The following TGFBR1 variants were observed in gnomAD, a reference collection of about 807,000 sequenced individuals.
The protein encoded by TGFBR1 is TGF-beta receptor type-1.
In TGFBR1, 20 loss-of-function variants were observed where a neutral mutation model predicts 55.1. The ratio of observed to expected loss-of-function variants is 0.36; its 90% CI spans 0.26 to 0.53. TGFBR1 has a LOEUF of 0.53. TGFBR1 is among the 20% of genes least tolerant of loss of function. The pLI, the probability that TGFBR1 is intolerant of heterozygous loss-of-function variation, is 0.91. For synonymous variants in TGFBR1, 220 were observed against 214.8 expected (o/e 1.02, Z -0.21); for missense variants, 385 against 617.6 (o/e 0.62, Z 3.99).
rs1420577666 is a variant in TGFBR1 at position 99,152,882 on chromosome 9, G to A, written c.*3577G>A. On this transcript the variant is annotated 3_prime_UTR_variant, in exon 9 of 9. Transcript: ENST00000374994. ...CCTCTCAAGAGTGCTGGACTTCTAGGACATTAAGATGATTGTCAGTACATT... is the reference window on the plus strand; with the variant it reads ...CCTCTCAAGAGTGCTGGACTTCTAGAACATTAAGATGATTGTCAGTACATT... 4.3e-6 allele frequency: 1 copy of A among 231,282 alleles called. No homozygotes were observed. Among genetic ancestry groups the A allele is most frequent in the African/African-American group, 2.2e-5 (1 of 45,230 alleles). The allele number at this position is 231,282 out of a possible 1,614,324, so 14.3% of individuals were successfully genotyped here.
chr9:99,132,516 A>G lies in TGFBR1; in HGVS notation c.351A>G (p.Ser117=), dbSNP rs949763129. The change falls in exon 3 of 9, where the codon TCA becomes TCG. Residue 117 remains serine, a synonymous_variant. Coordinates refer to ENST00000374994, the MANE Select transcript of TGFBR1 (RefSeq NM_004612.4). ...NKIELPTTVK[S]SPGLGPVELA... ...CTCGAGGCCCTTTTTCAGTAAAGTC[A>G]TCACCTGGCCTTGGTCCTGTGGAAC... 5 of 1,614,116 alleles carry G rather than the reference A, an allele frequency of 3.1e-6. No homozygotes were observed. In the South Asian group the frequency reaches 3.3e-5, roughly 11 times the overall value.
At chr9:99,141,643 A>G (rs1827619093) in intron 4 of TGFBR1, among the ~76,000 whole-genome samples, 1 of 152,192 alleles carries the variant, frequency 6.6e-6, no homozygotes, top group Non-Finnish European at 1.5e-5. Context: ...CTAAGCGTCC[A>G]TCTTTTACTG....
At position 99,153,703 on chromosome 9, in the gene TGFBR1, T is replaced by C. The variant is rs937281483; in HGVS notation, c.*4398T>C. ...GTATACGTTGGAATGAGTCATGCCA[T>C]ATGTAGTTGCTGTAGATGGCAACTA... On this transcript the variant is annotated 3_prime_UTR_variant, in exon 9 of 9. Coordinates refer to ENST00000374994, the MANE Select transcript of TGFBR1 (RefSeq NM_004612.4). The C allele has an allele frequency of 5.0e-5, 10 of 199,960 alleles. No individual in the cohort carries two copies. Among genetic ancestry groups the C allele is most frequent in the African/African-American group, 2.3e-4 (10 of 43,500 alleles). The allele number at this position is 199,960 out of a possible 1,614,324, so 12.4% of individuals were successfully genotyped here.
At chr9:99,106,998 T>A (rs946081238) in intron 1 of TGFBR1, among the ~76,000 whole-genome samples, 1 of 152,238 alleles carries the variant, frequency 6.6e-6, no homozygotes, top group Non-Finnish European at 1.5e-5. Flanking sequence ...TCCACACCGC[T>A]ATTAACTTGA....
At position 99,149,761 on chromosome 9, in the gene TGFBR1, G is replaced by T. The variant is rs200245567; in HGVS notation, c.*456G>T. Reference sequence around the variant, plus strand: ...CTAGAGTTTCCTTGATTCAGACTTTGAATGTACTGTTCTATAGTTTTTCAG... The same window carrying T: ...CTAGAGTTTCCTTGATTCAGACTTTTAATGTACTGTTCTATAGTTTTTCAG... On this transcript the variant is annotated 3_prime_UTR_variant, in exon 9 of 9. Transcript: ENST00000374994. 2 of 249,064 alleles carry T rather than the reference G, an allele frequency of 8.0e-6. No individual in the cohort carries two copies. Among genetic ancestry groups the T allele is most frequent in the Non-Finnish European group, 1.6e-5 (2 of 126,358 alleles). 15.4% of individuals were successfully genotyped at this position (249,064 alleles called of 1,614,324 possible).
intron 1 of TGFBR1, among the ~76,000 whole-genome samples, chr9:99,110,253 T>C (rs1023869003): frequency 6.6e-6 from 1 of 152,210 alleles, no homozygotes; most frequent in South Asian, 2.1e-4. Flanking sequence ...AAAATTGACT[T>C]GCAAAGTATA....
Position 99,144,840 on chromosome 9 carries a change from C to T in TGFBR1, c.1082C>T (p.Ala361Val), listed in dbSNP as rs2118806182. Reference sequence around the variant, plus strand: ...GGACTGGCAGTAAGACATGATTCAGCCACAGATACCATTGATATTGCTCCA... The same window carrying T: ...GGACTGGCAGTAAGACATGATTCAGTCACAGATACCATTGATATTGCTCCA... ...DLGLAVRHDS[A>V]TDTIDIAPNH... Residue 361 changes from alanine (A) to valine (V), a missense_variant, in exon 6 of 9, where the codon GCC (alanine) becomes GTC (valine). By Grantham distance (64) the Ala-to-Val change is moderately conservative. Around this residue, in one of 5 missense-constraint regions of TGFBR1, gnomAD observed 85 missense variants for 228.4 expected, o/e 0.37. Coordinates refer to ENST00000374994, the MANE Select transcript of TGFBR1 (RefSeq NM_004612.4). 1 of 1,613,954 alleles carries T rather than the reference C, an allele frequency of 6.2e-7. No homozygotes were observed. Among genetic ancestry groups the T allele is most frequent in the Non-Finnish European group, 8.5e-7 (1 of 1,179,922 alleles).
At chr9:99,106,583 G>A (rs527783520) in intron 1 of TGFBR1, among the ~76,000 whole-genome samples, 14 of 152,160 alleles carry the variant, frequency 9.2e-5, no homozygotes, top group African/African-American at 3.1e-4. Context: ...AGGAGTAGTG[G>A]CATTTGCCCC....
At chr9:99,111,159 A>G (rs1320107822) in intron 1 of TGFBR1, among the ~76,000 whole-genome samples, 3 of 152,112 alleles carry the variant, frequency 2.0e-5, no homozygotes, top group Non-Finnish European at 2.9e-5. Context: ...TACTATTTGT[A>G]TTGATTTATA....
Position 99,149,437 on chromosome 9 carries a change from G to C in TGFBR1, c.*132G>C. On this transcript the variant is annotated 3_prime_UTR_variant, in exon 9 of 9. Transcript: ENST00000374994. ...CTTCCTTTTGCAGCAGTGTAATAAAGTCAATTAAAAACTTCCCAGGATTTC... is the reference window on the plus strand; with the variant it reads ...CTTCCTTTTGCAGCAGTGTAATAAACTCAATTAAAAACTTCCCAGGATTTC... 1 of 1,373,484 alleles carries C rather than the reference G, an allele frequency of 7.3e-7. No individual in the cohort carries two copies. Among genetic ancestry groups the C allele is most frequent in the South Asian group, 1.2e-5 (1 of 82,410 alleles). 85.1% of individuals were successfully genotyped at this position (1,373,484 alleles called of 1,614,324 possible).
chr9:99,125,895 G>C (rs1315274179), intron 1 of TGFBR1, among the ~76,000 whole-genome samples: 5 of 152,130 alleles, frequency 3.3e-5, no homozygotes, highest in Non-Finnish European at 5.9e-5. Flanking sequence ...AAGGAGCCAG[G>C]ATTCAGAGAT....
At chr9:99,140,021 A>C (rs1318333295) in intron 4 of TGFBR1, among the ~76,000 whole-genome samples, 1 of 152,234 alleles carries the variant, frequency 6.6e-6, no homozygotes, top group African/African-American at 2.4e-5. Context: ...CAAAATACAT[A>C]CTAAGGATAT....
intron 1 of TGFBR1, among the ~76,000 whole-genome samples, chr9:99,120,290 T>C (rs1319241279): frequency 2.6e-5 from 4 of 152,210 alleles, no homozygotes; most frequent in African/African-American, 9.6e-5. Context: ...CTAGTCAAAT[T>C]AAAATCTAAT....
chr9:99,112,291 C>G (rs988467139), intron 1 of TGFBR1, among the ~76,000 whole-genome samples: 1 of 152,060 alleles, frequency 6.6e-6, no homozygotes, highest in Non-Finnish European at 1.5e-5. Context: ...TGTGGCTGTT[C>G]CCTTGCTTGT....
chr9:99,113,956 C>T (rs185318828), intron 1 of TGFBR1, among the ~76,000 whole-genome samples: 2 of 152,266 alleles, frequency 1.3e-5, no homozygotes, highest in Admixed American at 1.3e-4. Flanking sequence ...GGAGGTCGGA[C>T]TTGTTTATCT....
intron 6 of TGFBR1, among the ~76,000 whole-genome samples, chr9:99,145,533 A>G (rs938106805): frequency 1.2e-4 from 18 of 152,218 alleles, no homozygotes; most frequent in African/African-American, 4.3e-4. Flanking sequence ...TATTCCCAGC[A>G]TCCATCACAG....
At chr9:99,105,855 G>T (rs1826397546) in intron 1 of TGFBR1, among the ~76,000 whole-genome samples, 1 of 152,234 alleles carries the variant, frequency 6.6e-6, no homozygotes, top group Non-Finnish European at 1.5e-5. Flanking sequence ...TGGGAGTCGG[G>T]GGCGACGTGT....
chr9:99,147,613 A>C, intron 7 of TGFBR1, 41 bp from the exon 8 acceptor site: 3 of 1,593,440 alleles, frequency 1.9e-6, no homozygotes, highest in Non-Finnish European at 2.6e-6. Flanking sequence ...GCATTAGCTG[A>C]ATAAATTCAT....
intron 1 of TGFBR1, among the ~76,000 whole-genome samples, chr9:99,105,885 C>G (rs1826398582): frequency 6.6e-6 from 1 of 152,226 alleles, no homozygotes; most frequent in South Asian, 2.1e-4. Flanking sequence ...CCTGGGTCCG[C>G]AGGCCGCCCT....
Sources: gnomAD v4.1 joint callset for allele counts (sites outside exome capture counted in the v4.1 genomes callset) on GRCh38, gnomAD v4.1.1 for gene constraint, gnomAD v4.1.1 regional missense constraint, MANE v1.5 for transcripts, NCBI Gene and HGNC (gene_info 2026-07-23, HGNC 2026-07-21) for gene names.